The following CDHR3 variants were observed in gnomAD, a reference collection of about 807,000 sequenced individuals.
The protein encoded by CDHR3 is cadherin-related family member 3.
A neutral mutation model predicts 86.6 loss-of-function variants in CDHR3; 79 were observed. That is an observed-to-expected ratio of 0.91 (90% confidence interval 0.76 to 1.10). CDHR3 has a LOEUF of 1.10. CDHR3 is among the 50% of genes least tolerant of loss of function. CDHR3 has a pLI of 0.00. For missense variants in CDHR3, 1,081 were observed against 1,077.6 expected (o/e 1.00, Z -0.04); for synonymous variants, 421 against 402.4 (o/e 1.05, Z -0.55).
chr7:106,023,473 T>C (rs537896993), intron 14 of CDHR3, among the ~76,000 whole-genome samples: 7 of 152,128 alleles, frequency 4.6e-5, no homozygotes, highest in Non-Finnish European at 7.4e-5. Context: ...GACAACAGGA[T>C]TATCTTCCCT....
chr7:106,028,775 C>T (rs1230037315), intron 17 of CDHR3, among the ~76,000 whole-genome samples, 193 bp downstream of exon 17: 1 of 152,152 alleles, frequency 6.6e-6, no homozygotes, highest in Non-Finnish European at 1.5e-5. Context: ...AACATGCCTG[C>T]TGATATATTT....
chr7:106,012,860 C>T lies in CDHR3; in HGVS notation c.1053C>T (p.Ser351=), dbSNP rs776123998. The change falls in exon 9 of 19, where the codon AGC becomes AGT. Residue 351 remains serine, a splice_region_variant and synonymous_variant. Coordinates refer to ENST00000317716, the MANE Select transcript of CDHR3 (RefSeq NM_152750.5). ...NPATCQKFTF[S]IMVPERTAKG... ...ATACTGGATTGTGTCTTTTCACCAG[C>T]ATTATGGTGCCGGAAAGAACAGCCA... The T allele has an allele frequency of 4.4e-6, 7 of 1,599,004 alleles. No individual in the cohort carries two copies. The highest frequency in any genetic ancestry group is 4.3e-6 in the Non-Finnish European group (5 of 1,173,622).
At chr7:106,031,819 G>A (rs1838418773) in intron 18 of CDHR3, among the ~76,000 whole-genome samples, 1 of 151,880 alleles carries the variant, frequency 6.6e-6, no homozygotes, top group South Asian at 2.1e-4. Flanking sequence ...AAAGACATGA[G>A]CCAACTGGCC....
chr7:106,026,215 T>G (rs1837322571), intron 15 of CDHR3, among the ~76,000 whole-genome samples: 2 of 152,192 alleles, frequency 1.3e-5, no homozygotes, highest in African/African-American at 4.8e-5. Context: ...AAGGTGATCA[T>G]GGGAAATCTC....
rs564347598 is a variant in CDHR3, at chr7:106,006,991, G to A, written c.1052+2304G>A. ...TCCATACATCCTCTCAAATCTAAGC[G>A]GAGGTTCTCAAACCTCAATTCTTGA... On this transcript the variant is annotated intron_variant, in intron 8 of 18. Transcript: ENST00000317716. Among the ~76,000 whole-genome samples the A allele has an allele frequency of 6.6e-4, 100 of 152,334 alleles. No individual in the cohort carries two copies. In the South Asian group the frequency reaches 9.7e-3, roughly 15 times the overall value.
intron 13 of CDHR3, 43 bp downstream of exon 13, chr7:106,020,587 A>T (rs888614960): frequency 7.0e-6 from 11 of 1,582,560 alleles, no homozygotes; most frequent in East Asian, 2.2e-5. Flanking sequence ...GTCTCTGAGG[A>T]CCCTGAAGTT....
At chr7:106,032,001 G>C (rs1362592715) in intron 18 of CDHR3, among the ~76,000 whole-genome samples, 2 of 152,188 alleles carry the variant, frequency 1.3e-5, no homozygotes, top group African/African-American at 4.8e-5. Context: ...CAGGAATTCA[G>C]GGGTCTTTTA....
Position 106,028,989 on chromosome 7 carries a change from T to TTTCTTTC in CDHR3, c.2304+413_2304+414insCTTCTTT, listed in dbSNP as rs1837907873. On this transcript the variant is annotated intron_variant, in intron 17 of 18. Transcript: ENST00000317716. ...CTTTCTTTCTTTCTTTCTTTCTTTC[T>TTTCTTTC]TTCTTTTTAAGACACAGTTTCACTC... 2.0e-5 allele frequency among the ~76,000 whole-genome samples: 3 copies of TTTCTTTC among 149,992 alleles called. No individual in the cohort carries two copies. The South Asian group carries it at 6.3e-4, about 32-fold the overall frequency.
chr7:106,030,458 C>T lies in CDHR3; in HGVS notation c.2305-334C>T, dbSNP rs1380806145. Among the ~76,000 whole-genome samples, 1 of 152,214 alleles carries T rather than the reference C, an allele frequency of 6.6e-6. No homozygotes were observed. The highest frequency in any genetic ancestry group is 1.5e-5 in the Non-Finnish European group (1 of 68,040). On this transcript the variant is annotated intron_variant, in intron 17 of 18. Transcript: ENST00000317716. This position sits in a 1 kb window ranked among gnomAD's most constrained non-coding sequence, Gnocchi z 4.8. ...GCATTTCCACTCTTCCTTCTACGCT[C>T]AGATTTTATTTACTCAGGATGCTTC...
At position 106,004,612 on chromosome 7, in the gene CDHR3, A is replaced by G. The variant is rs2115803326; in HGVS notation, c.977A>G (p.Glu326Gly). The change falls in exon 8 of 19, where the codon GAG (glutamate) becomes GGG (glycine). Residue 326 changes from glutamate (E) to glycine (G), a missense_variant. Glu to Gly is a moderately conservative substitution (Grantham distance 98, BLOSUM62 -2). Coordinates refer to ENST00000317716, the MANE Select transcript of CDHR3 (RefSeq NM_152750.5). ...AAGGACAGACCATATGGGGGTCAGG[A>G]GAATCGCATCCAGATAACCTTCATT... ...LVKDRPYGGQ[E>G]NRIQITFIVE... The G allele has an allele frequency of 6.2e-7, 1 of 1,614,032 alleles. No homozygotes were observed. Among genetic ancestry groups the G allele is most frequent in the Admixed American group, 1.7e-5 (1 of 60,024 alleles).
At chr7:105,990,001 T>G in intron 4 of CDHR3, among the ~76,000 whole-genome samples, 1 of 152,130 alleles carries the variant, frequency 6.6e-6, no homozygotes, top group African/African-American at 2.4e-5. Context: ...GTTCAAAGGC[T>G]CATAAAAGGA....
chr7:106,007,909 A>G (rs1266041040), intron 8 of CDHR3, among the ~76,000 whole-genome samples: 1 of 152,168 alleles, frequency 6.6e-6, no homozygotes, highest in Non-Finnish European at 1.5e-5. Flanking sequence ...AGACTGGGCA[A>G]TTTACAACAG....
intron 5 of CDHR3, among the ~76,000 whole-genome samples, chr7:105,995,977 G>T (rs1211423507): frequency 1.3e-5 from 2 of 152,184 alleles, no homozygotes; most frequent in Non-Finnish European, 2.9e-5. Flanking sequence ...AAAACACCGG[G>T]ATAGATGTGC....
chr7:106,001,509 T>G lies in CDHR3; in HGVS notation c.761T>G (p.Ile254Ser). Residue 254 changes from isoleucine to serine, a missense_variant, in exon 7 of 19, where the codon ATC becomes AGC. Physicochemically the swap from Ile to Ser is moderately radical, Grantham distance 142 (BLOSUM62 -2). Transcript: ENST00000317716. ...TVLEELSPGTIVANITAEDPD... is the reference protein window; with the variant it reads ...TVLEELSPGTSVANITAEDPD... ...CTGGAGGAACTGAGTCCAGGAACCA[T>G]CGTGGCCAATATCACAGCGGAGGAT... 1 of 1,614,000 alleles carries G rather than the reference T, an allele frequency of 6.2e-7. No homozygotes were observed. The highest frequency in any genetic ancestry group is 2.2e-5 in the East Asian group (1 of 44,882).
chr7:105,974,246 G>A (rs1488773920), intron 1 of CDHR3, among the ~76,000 whole-genome samples: 1 of 152,170 alleles, frequency 6.6e-6, no homozygotes, highest in African/African-American at 2.4e-5. Flanking sequence ...CTGTGGAATG[G>A]TTGTTAATCT....
intron 6 of CDHR3, among the ~76,000 whole-genome samples, chr7:105,997,873 C>T (rs1349780088): frequency 6.6e-6 from 1 of 152,008 alleles, no homozygotes; most frequent in African/African-American, 2.4e-5. Flanking sequence ...CTCTGGTTCT[C>T]ATTTTAGGTT....
At chr7:106,027,549 T>A in intron 16 of CDHR3, 1 of 337,626 alleles carries the variant, frequency 3.0e-6, no homozygotes, top group South Asian at 2.3e-5. Context: ...GTGGGTAAAT[T>A]GGGAAGGTCC....
At chr7:106,025,017 C>A (rs1837150827) in intron 15 of CDHR3, among the ~76,000 whole-genome samples, 3 of 152,154 alleles carry the variant, frequency 2.0e-5, no homozygotes, top group African/African-American at 7.2e-5. Flanking sequence ...TTTTGTGTGA[C>A]CAAATAATTC....
chr7:106,032,544 T>G lies in CDHR3; in HGVS notation c.2505T>G (p.Ser835Arg). ...GGGAAGGGATGGGGTCACTGAGAAG[T>G]GCCAACTGGGAAGAAGATGAGCTGA... is the stretch of plus-strand genomic sequence containing the variant. Reference protein sequence around the residue: ...TAGEGMGSLRSANWEEDELSG... With the variant: ...TAGEGMGSLRRANWEEDELSG... The change falls in exon 19 of 19, where the codon AGT becomes AGG. Residue 835 changes from serine (S) to arginine (R), a missense_variant. Coordinates refer to ENST00000317716, the MANE Select transcript of CDHR3 (RefSeq NM_152750.5). The G allele has an allele frequency of 6.2e-7, 1 of 1,613,874 alleles. No homozygotes were observed. The highest frequency in any genetic ancestry group is 8.5e-7 in the Non-Finnish European group (1 of 1,179,834).
Sources: allele counts gnomAD v4.1 joint callset (sites outside exome capture counted in the v4.1 genomes callset), GRCh38; gene constraint gnomAD v4.1.1; non-coding constraint Gnocchi (gnomAD v3.1); transcripts MANE v1.5; gene names NCBI Gene and HGNC (gene_info 2026-07-23, HGNC 2026-07-21).